The following RPS6KC1 variants were observed in gnomAD, a reference collection of about 807,000 sequenced individuals.
RPS6KC1 encodes ribosomal protein S6 kinase C1.
In RPS6KC1, 54 loss-of-function variants were observed where a neutral mutation model predicts 103.8. The observed-to-expected ratio is 0.52, with a 90% CI of 0.42 to 0.65. The LOEUF is 0.65. Among genes scored for constraint, RPS6KC1 ranks in the 30% least tolerant of loss-of-function variants. The pLI is 0.00. For missense variants in RPS6KC1, 1,151 were observed against 1,253.8 expected (o/e 0.92, Z 1.24); for synonymous variants, 439 against 438.7 (o/e 1.00, Z -0.01).
chr1:213,585,210 G>A, the RPS6KC1 span, among the ~76,000 whole-genome samples: 1 of 152,198 alleles, frequency 6.6e-6, no homozygotes, highest in Non-Finnish European at 1.5e-5. Flanking sequence ...CTCAGTGAAT[G>A]TCAGGTGATA....
At chr1:213,474,628 T>G in the RPS6KC1 span, among the ~76,000 whole-genome samples, 1 of 152,190 alleles carries the variant, frequency 6.6e-6, no homozygotes, top group Non-Finnish European at 1.5e-5. Flanking sequence ...GATTTCGTCT[T>G]TTTGGTAATC....
At chr1:213,111,901 A>C (rs545234599) in intron 4 of RPS6KC1, among the ~76,000 whole-genome samples, 1 of 152,218 alleles carries the variant, frequency 6.6e-6, no homozygotes, top group Non-Finnish European at 1.5e-5. Flanking sequence ...GAAAAGTTCA[A>C]ATATAAGCTG....
chr1:213,541,258 C>T, the RPS6KC1 span, among the ~76,000 whole-genome samples: 1 of 150,156 alleles, frequency 6.7e-6, no homozygotes, highest in South Asian at 2.1e-4. Flanking sequence ...TATATGGGTG[C>T]AGTTCGTGGA....
intron 2 of RPS6KC1, among the ~76,000 whole-genome samples, chr1:213,075,928 A>T (rs1193018908): frequency 6.6e-6 from 1 of 152,178 alleles, no homozygotes; most frequent in Non-Finnish European, 1.5e-5. Flanking sequence ...CTTCTCAGAC[A>T]TACAAGGCTG....
chr1:213,572,423 C>T, the RPS6KC1 span, among the ~76,000 whole-genome samples: 1 of 152,242 alleles, frequency 6.6e-6, no homozygotes, highest in African/African-American at 2.4e-5. Flanking sequence ...AACAAACCCA[C>T]ATGCGGGAAG....
At chr1:213,214,546 A>G (rs181609905) in intron 8 of RPS6KC1, among the ~76,000 whole-genome samples, 1 of 152,316 alleles carries the variant, frequency 6.6e-6, no homozygotes, top group East Asian at 1.9e-4. Context: ...CCCAGCATGG[A>G]CCTTGAGATC....
At chr1:213,270,110 G>A (rs1573741920) in intron 14 of RPS6KC1, among the ~76,000 whole-genome samples, 1 of 152,132 alleles carries the variant, frequency 6.6e-6, no homozygotes, top group African/African-American at 2.4e-5. Flanking sequence ...AAACAATTTT[G>A]CAAGAGAACA....
the RPS6KC1 span, among the ~76,000 whole-genome samples, chr1:213,855,319 C>T: frequency 6.6e-6 from 1 of 152,172 alleles, no homozygotes; most frequent in African/African-American, 2.4e-5. Flanking sequence ...GTCGTATCAT[C>T]CGTCACTACT....
chr1:213,137,789 A>ATATG (rs2086498708), intron 6 of RPS6KC1, among the ~76,000 whole-genome samples: 1 of 25,506 alleles, frequency 3.9e-5, no homozygotes, highest in African/African-American at 9.1e-5. Flanking sequence ...ATATATATAT[A>ATATG]TATATATATA....
the RPS6KC1 span, among the ~76,000 whole-genome samples, chr1:213,464,168 T>C: frequency 3.3e-5 from 5 of 152,210 alleles, no homozygotes; most frequent in African/African-American, 7.2e-5. Context: ...TGTGTTGTCC[T>C]TGTCCCGTCT....
the RPS6KC1 span, among the ~76,000 whole-genome samples, chr1:213,412,598 T>G: frequency 6.6e-6 from 1 of 152,226 alleles, no homozygotes; most frequent in African/African-American, 2.4e-5. Context: ...TTGGTATTGA[T>G]GCACAGGCAA....
chr1:213,285,924 T>C, the RPS6KC1 span, among the ~76,000 whole-genome samples: 1 of 152,216 alleles, frequency 6.6e-6, no homozygotes, highest in African/African-American at 2.4e-5. Flanking sequence ...AGACACTGAA[T>C]CTGCTGGCAC....
At chr1:213,700,753 A>G in the RPS6KC1 span, among the ~76,000 whole-genome samples, 1 of 151,954 alleles carries the variant, frequency 6.6e-6, no homozygotes, top group Non-Finnish European at 1.5e-5. Context: ...TATAGTTTTC[A>G]TTACAGAGAT....
At chr1:213,492,747 A>G in the RPS6KC1 span, among the ~76,000 whole-genome samples, 1 of 152,186 alleles carries the variant, frequency 6.6e-6, no homozygotes, top group South Asian at 2.1e-4. Flanking sequence ...CCTTCTTTAT[A>G]AACTGGCTGT....
intron 1 of RPS6KC1, among the ~76,000 whole-genome samples, chr1:213,057,143 G>T (rs142146557): frequency 6.6e-6 from 1 of 151,948 alleles, no homozygotes; most frequent in Non-Finnish European, 1.5e-5. Context: ...GTTTCACCAT[G>T]TTGCCCAGGC....
the RPS6KC1 span, among the ~76,000 whole-genome samples, chr1:213,541,112 C>T: frequency 1.8e-4 from 7 of 38,298 alleles, no homozygotes; most frequent in Non-Finnish European, 4.8e-4. Flanking sequence ...CATTCAAGCT[C>T]CTGTTACTGT....
the RPS6KC1 span, among the ~76,000 whole-genome samples, chr1:213,462,999 T>A: frequency 6.6e-6 from 1 of 152,352 alleles, no homozygotes; most frequent in East Asian, 1.9e-4. Context: ...GGCCTTATTC[T>A]TAGGCCACCA....
intron 4 of RPS6KC1, among the ~76,000 whole-genome samples, chr1:213,105,236 C>A (rs1401697299): frequency 7.2e-6 from 1 of 139,354 alleles, no homozygotes; most frequent in Non-Finnish European, 1.5e-5. Flanking sequence ...TTTTTTTTAC[C>A]ATTTTTAATA....
intron 1 of RPS6KC1, among the ~76,000 whole-genome samples, chr1:213,069,139 C>T (rs977022484): frequency 2.0e-5 from 3 of 152,128 alleles, no homozygotes; most frequent in South Asian, 2.1e-4. Context: ...TTCAGTGGCT[C>T]AGTAGCCACA....
Sources: gnomAD v4.1 joint callset for allele counts (sites outside exome capture counted in the v4.1 genomes callset) on GRCh38, gnomAD v4.1.1 for gene constraint, MANE v1.5 for transcripts, NCBI Gene and HGNC (gene_info 2026-07-23, HGNC 2026-07-21) for gene names.